Variants in DCUN1D2 observed in about 807,000 individuals in gnomAD.
DCUN1D2 encodes defective in cullin neddylation 1 domain containing 2, also known as DCN1-like protein 2.
In DCUN1D2, 29 loss-of-function variants were observed where a neutral mutation model predicts 30.9. The ratio of observed to expected loss-of-function variants is 0.94; its 90% confidence interval spans 0.70 to 1.28. The LOEUF (loss-of-function observed/expected upper bound fraction) is 1.28, where lower values mean the gene tolerates loss of function less well. Ranked by LOEUF, DCUN1D2 falls within the 50% of genes most tolerant of loss-of-function variation. The pLI is 0.00. For synonymous variants in DCUN1D2, 121 were observed against 115.3 expected (o/e 1.05, Z -0.32); for missense variants, 325 against 316.9 (o/e 1.03, Z -0.19).
At chr13:113,477,130 C>T (rs1048226963) in intron 3 of DCUN1D2, among the ~76,000 whole-genome samples, 3 of 152,152 alleles carry the variant, frequency 2.0e-5, no homozygotes, top group Non-Finnish European at 4.4e-5. Context: ...TTTGACTGCG[C>T]GTTTTCATAG....
At chr13:113,484,411 G>A (rs1226585525) in intron 1 of DCUN1D2, among the ~76,000 whole-genome samples, 1 of 152,206 alleles carries the variant, frequency 6.6e-6, no homozygotes, top group East Asian at 1.9e-4. Context: ...CGGCACCAGC[G>A]GGGGTCACAG....
intron 2 of DCUN1D2, among the ~76,000 whole-genome samples, chr13:113,481,061 T>G (rs1329574080): frequency 2.0e-5 from 3 of 152,178 alleles, no homozygotes; most frequent in African/African-American, 7.2e-5. Flanking sequence ...AAATTTAAGT[T>G]TACAGAAATT....
intron 3 of DCUN1D2, among the ~76,000 whole-genome samples, chr13:113,475,146 A>T (rs1054309190): frequency 1.3e-5 from 2 of 152,214 alleles, no homozygotes; most frequent in African/African-American, 4.8e-5. Context: ...GTCCTCGAAG[A>T]CATACACGGA....
intron 3 of DCUN1D2, among the ~76,000 whole-genome samples, chr13:113,479,328 AGT>A (rs1210268596): frequency 5.3e-5 from 8 of 152,208 alleles, no homozygotes; most frequent in African/African-American, 1.9e-4. Context: ...TAAAAACGTA[AGT>A]GTGACTGCCT....
At chr13:113,483,057 T>C (rs1047819405) in intron 2 of DCUN1D2, among the ~76,000 whole-genome samples, 3 of 152,218 alleles carry the variant, frequency 2.0e-5, no homozygotes, top group Admixed American at 1.3e-4. Context: ...CTTGGTTTTG[T>C]TTTAAAGTTT....
At position 113,474,194 on chromosome 13, in the gene DCUN1D2, G is replaced by C. The variant is rs764878500; in HGVS notation, c.450C>G (p.Asp150Glu). Residue 150 changes from aspartate to glutamate, a missense_variant, in exon 4 of 7, where the codon GAC becomes GAG. Physicochemically the swap from Asp to Glu is conservative, Grantham distance 45. Coordinates refer to ENST00000478244, the MANE Select transcript of DCUN1D2 (RefSeq NM_001014283.2). ...LLPRLEQELK[D>E]TAKFKDFYQF... ...GATAAAAATCTTTAAACTTGGCTGT[G>C]TCCTTCAGCTCCTGCTCCAGTCTTG... The C allele has an allele frequency of 6.2e-7, 1 of 1,614,160 alleles. No homozygotes were observed. Among genetic ancestry groups the C allele is most frequent in the Non-Finnish European group, 8.5e-7 (1 of 1,180,008 alleles).
At chr13:113,465,504 A>C (rs2044386443) in intron 4 of DCUN1D2, among the ~76,000 whole-genome samples, 1 of 151,486 alleles carries the variant, frequency 6.6e-6, no homozygotes, top group South Asian at 2.1e-4. Context: ...AGAAGTAAAA[A>C]AAAAAAAACA....
intron 4 of DCUN1D2, among the ~76,000 whole-genome samples, chr13:113,472,322 A>G (rs1044779743): frequency 7.2e-5 from 11 of 152,184 alleles, no homozygotes; most frequent in African/African-American, 2.7e-4. Flanking sequence ...AAAGCCTGGA[A>G]ACGACGACTC....
At position 113,483,928 on chromosome 13, in the gene DCUN1D2, G is replaced by C. The variant is rs2044755672; in HGVS notation, c.132C>G (p.Phe44Leu). 1 of 1,613,986 alleles carries C rather than the reference G, an allele frequency of 6.2e-7. No homozygotes were observed. The highest frequency in any genetic ancestry group is 8.5e-7 in the Non-Finnish European group (1 of 1,180,060). The part of the protein sequence containing the change: ...EWRLDEATDS[F>L]FQNPDSLHRE... ...TGTGGAGCGAGTCTGGGTTTTGGAA[G>C]AAGCTGTCCGTGGCCTCGTCTAGTC... is the stretch of plus-strand genomic sequence containing the variant. Residue 44 changes from phenylalanine to leucine, a missense_variant, in exon 2 of 7, where the codon TTC becomes TTG. Transcript: ENST00000478244.
intron 4 of DCUN1D2, among the ~76,000 whole-genome samples, chr13:113,467,997 T>C (rs1057185606): frequency 1.5e-5 from 2 of 130,164 alleles, no homozygotes; most frequent in Non-Finnish European, 3.1e-5. Flanking sequence ...TGAGCCAAGA[T>C]CACACCACTG....
chr13:113,466,675 ATTTCCTGGAGGCCATG>A (rs748748583), intron 4 of DCUN1D2, among the ~76,000 whole-genome samples: 133 of 152,116 alleles, frequency 8.7e-4, no homozygotes, highest in Non-Finnish European at 1.5e-3. Flanking sequence ...CTCTGGCCAC[ATTTCCTGGAGGCCATG>A]TTTAGTGGTG....
At position 113,483,924 on chromosome 13, in the gene DCUN1D2, G is replaced by C. The variant is rs763252351; in HGVS notation, c.136C>G (p.Gln46Glu). Residue 46 changes from glutamine (Q) to glutamate (E), a missense_variant, in exon 2 of 7, where the codon CAA (glutamine) becomes GAA (glutamate). By Grantham distance (29) the Gln-to-Glu change is conservative. Coordinates refer to ENST00000478244, the MANE Select transcript of DCUN1D2 (RefSeq NM_001014283.2). ...RLDEATDSFF[Q>E]NPDSLHRESM... ...TCCCTGTGGAGCGAGTCTGGGTTTT[G>C]GAAGAAGCTGTCCGTGGCCTCGTCT... 6.2e-7 allele frequency: 1 copy of C among 1,614,074 alleles called. No homozygotes were observed.
chr13:113,480,040 T>C (rs568387099), intron 3 of DCUN1D2, among the ~76,000 whole-genome samples: 3 of 152,362 alleles, frequency 2.0e-5, no homozygotes, highest in East Asian at 1.9e-4. Flanking sequence ...TGCATGACTG[T>C]AGTTCAGTAA....
At chr13:113,485,014 A>G (rs890921618) in intron 1 of DCUN1D2, among the ~76,000 whole-genome samples, 1 of 152,002 alleles carries the variant, frequency 6.6e-6, no homozygotes, top group Non-Finnish European at 1.5e-5. Flanking sequence ...GGAGGTGGAG[A>G]TTGCAGCGAG....
intron 4 of DCUN1D2, chr13:113,463,007 A>G (rs141199309): frequency 3.3e-6 from 1 of 304,160 alleles, no homozygotes; most frequent in Non-Finnish European, 5.2e-6. Flanking sequence ...TTTGTCAATC[A>G]CATTATCAAA....
At chr13:113,459,650 C>T (rs1462740295) in intron 5 of DCUN1D2, 1 of 324,464 alleles carries the variant, frequency 3.1e-6, no homozygotes, top group Non-Finnish European at 5.7e-6. Flanking sequence ...CAATTATAAA[C>T]TCCTGTTTTG....
intron 4 of DCUN1D2, among the ~76,000 whole-genome samples, chr13:113,473,555 C>T (rs1038515550): frequency 2.0e-5 from 3 of 152,192 alleles, no homozygotes; most frequent in African/African-American, 7.2e-5. Flanking sequence ...TGATACAGGA[C>T]ATTTACAAAT....
intron 3 of DCUN1D2, among the ~76,000 whole-genome samples, chr13:113,474,603 A>C (rs1231055144): frequency 6.6e-6 from 1 of 152,164 alleles, no homozygotes; most frequent in African/African-American, 2.4e-5. Context: ...ACCCAAAACC[A>C]ACATCTTTTG....
rs553592852 is a variant in DCUN1D2 at position 113,457,768 on chromosome 13, A to G, written c.*261T>C. On this transcript the variant is annotated 3_prime_UTR_variant, in exon 7 of 7. Coordinates refer to ENST00000478244, the MANE Select transcript of DCUN1D2 (RefSeq NM_001014283.2). ...TACCTTAGTATTTTGTAAATATTAA[A>G]AAATCATGCAGAAATTTCCTAACGC... 22 of 421,936 alleles carry G rather than the reference A, an allele frequency of 5.2e-5. No homozygotes were observed. The Admixed American group carries it at 7.8e-4, about 15-fold the overall frequency. The allele number at this position is 421,936 out of a possible 1,614,324, so 26.1% of individuals were successfully genotyped here.
Sources: gnomAD v4.1 joint callset for allele counts (sites outside exome capture counted in the v4.1 genomes callset) on GRCh38, gnomAD v4.1.1 for gene constraint, MANE v1.5 for transcripts, NCBI Gene and HGNC (gene_info 2026-07-23, HGNC 2026-07-21) for gene names.